Variants in HIPK2 observed in about 807,000 individuals in gnomAD.
HIPK2 encodes the protein homeodomain-interacting protein kinase 2.
HIPK2 carries 27 observed loss-of-function variants against 113.7 expected under a neutral mutation model. The observed-to-expected ratio is 0.24, with a 90% CI of 0.17 to 0.33. The LOEUF (loss-of-function observed/expected upper bound fraction) is 0.33, where lower values mean the gene tolerates loss of function less well. Among genes scored for constraint, HIPK2 ranks in the 10% least tolerant of loss-of-function variants. The probability of loss-of-function intolerance (pLI) is 1.00; values close to 1 mark genes in which losing one functional copy is unlikely to be tolerated. For synonymous variants in HIPK2, 631 were observed against 642.2 expected (o/e 0.98, Z 0.26); for missense variants, 1,257 against 1,588.0 (o/e 0.79, Z 3.54).
intron 1 of HIPK2, among the ~76,000 whole-genome samples, chr7:139,749,150 G>A (rs1796239132): frequency 2.6e-5 from 4 of 152,238 alleles, no homozygotes; most frequent in Admixed American, 2.0e-4. Context: ...TCTGGGTGAT[G>A]TGGCAAAAAC....
chr7:139,582,270 A>G (rs80292078), intron 13 of HIPK2, among the ~76,000 whole-genome samples: 1 of 152,360 alleles, frequency 6.6e-6, no homozygotes, highest in East Asian at 1.9e-4. Context: ...AGACCCTAGC[A>G]GCAAGTACAG....
chr7:139,627,436 A>G lies in HIPK2; in HGVS notation c.1435-651T>C, dbSNP rs1800473235. ...TCTCATGGGTTCCCCAGTTAGGGCCAGAATTATTTTAGTCCCTGTGTTCAA... is the reference window on the plus strand; with the variant it reads ...TCTCATGGGTTCCCCAGTTAGGGCCGGAATTATTTTAGTCCCTGTGTTCAA... On this transcript the variant is annotated intron_variant, in intron 5 of 14. Transcript: ENST00000406875. Among the ~76,000 whole-genome samples, 3 of 152,162 alleles carry G rather than the reference A, an allele frequency of 2.0e-5. No individual in the cohort carries two copies. The South Asian group carries it at 6.2e-4, about 31-fold the overall frequency.
intron 2 of HIPK2, among the ~76,000 whole-genome samples, chr7:139,648,522 A>G (rs950005077): frequency 6.6e-6 from 1 of 152,218 alleles, no homozygotes; most frequent in African/African-American, 2.4e-5. Context: ...TACGGCACAC[A>G]GTCCCCAGCC....
intron 1 of HIPK2, among the ~76,000 whole-genome samples, chr7:139,742,759 T>C (rs1322180795): frequency 1.3e-5 from 2 of 152,248 alleles, no homozygotes; most frequent in East Asian, 1.9e-4. Context: ...AGACTCATCA[T>C]AGACAGCTGT....
intron 2 of HIPK2, among the ~76,000 whole-genome samples, chr7:139,692,713 C>T (rs1262912416): frequency 6.6e-6 from 1 of 151,848 alleles, no homozygotes; most frequent in Non-Finnish European, 1.5e-5. Context: ...CTATATGCAT[C>T]AGAAAAAAAA....
intron 2 of HIPK2, among the ~76,000 whole-genome samples, chr7:139,664,981 T>C (rs1216165909): frequency 6.6e-6 from 1 of 152,060 alleles, no homozygotes; most frequent in Admixed American, 6.5e-5. Context: ...AACAACAGTT[T>C]CCAAAGGCTT....
chr7:139,585,882 C>A (rs1293442671), intron 12 of HIPK2, among the ~76,000 whole-genome samples: 3 of 151,946 alleles, frequency 2.0e-5, no homozygotes, highest in Non-Finnish European at 2.9e-5. Flanking sequence ...AGATTGAAAT[C>A]AAAGAAAATT....
chr7:139,694,151 G>A (rs1403612014), intron 2 of HIPK2, among the ~76,000 whole-genome samples: 2 of 152,200 alleles, frequency 1.3e-5, no homozygotes, highest in Admixed American at 6.5e-5. Flanking sequence ...TGACCTGGCT[G>A]TAATAGATGC....
chr7:139,635,375 T>C (rs931303765), intron 2 of HIPK2, among the ~76,000 whole-genome samples: 2 of 152,246 alleles, frequency 1.3e-5, no homozygotes, highest in Non-Finnish European at 2.9e-5. Flanking sequence ...GTGGTTCTCA[T>C]GGCCCGGAAG....
At chr7:139,615,309 G>C (rs1169520176) in intron 7 of HIPK2, among the ~76,000 whole-genome samples, 1 of 152,200 alleles carries the variant, frequency 6.6e-6, no homozygotes, top group African/African-American at 2.4e-5. Context: ...GTTGAGCCTG[G>C]GGCTTTGTGT....
intron 10 of HIPK2, among the ~76,000 whole-genome samples, chr7:139,601,126 C>T (rs1380850596): frequency 1.3e-5 from 2 of 151,904 alleles, no homozygotes; most frequent in Non-Finnish European, 2.9e-5. Flanking sequence ...CACCTATGGG[C>T]CCAGCTACTC....
chr7:139,623,683 T>C (rs1454736718), intron 6 of HIPK2, among the ~76,000 whole-genome samples: 2 of 152,108 alleles, frequency 1.3e-5, no homozygotes, highest in Non-Finnish European at 2.9e-5. Context: ...GCTTCACTGA[T>C]AGTAAGGCAC....
intron 1 of HIPK2, among the ~76,000 whole-genome samples, chr7:139,734,049 T>C (rs981647231): frequency 1.3e-5 from 2 of 152,272 alleles, no homozygotes; most frequent in African/African-American, 4.8e-5. Flanking sequence ...TATTCGTTAA[T>C]GCTGCCATCC....
At chr7:139,663,180 C>T (rs1283972135) in intron 2 of HIPK2, among the ~76,000 whole-genome samples, 2 of 152,172 alleles carry the variant, frequency 1.3e-5, no homozygotes, top group Non-Finnish European at 2.9e-5. Context: ...ACTTCAAGTC[C>T]CCTCCACCAT....
intron 2 of HIPK2, among the ~76,000 whole-genome samples, chr7:139,699,965 C>T (rs1268686900): frequency 1.3e-5 from 2 of 152,228 alleles, no homozygotes; most frequent in African/African-American, 2.4e-5. Context: ...GGCAGTGCTG[C>T]TCTGTGCAGT....
intron 1 of HIPK2, among the ~76,000 whole-genome samples, chr7:139,735,839 C>T (rs1047716893): frequency 1.3e-5 from 2 of 152,196 alleles, no homozygotes; most frequent in African/African-American, 4.8e-5. Flanking sequence ...ATTCATAAGC[C>T]ATCCACTGCC....
intron 2 of HIPK2, among the ~76,000 whole-genome samples, chr7:139,712,356 T>C (rs931074201): frequency 6.6e-6 from 1 of 152,182 alleles, no homozygotes; most frequent in Non-Finnish European, 1.5e-5. Context: ...ACCGTTTCTG[T>C]GTCACTAGGT....
At chr7:139,760,255 C>A (rs757878228) in intron 1 of HIPK2, among the ~76,000 whole-genome samples, 2 of 152,152 alleles carry the variant, frequency 1.3e-5, no homozygotes, top group Non-Finnish European at 2.9e-5. Flanking sequence ...CCGCCCACCT[C>A]GGCCTCCCAA....
chr7:139,630,165 T>C lies in HIPK2; in HGVS notation c.1347+1000A>G, dbSNP rs897745378. ...TCTTTTTACCAGGAAAATACTTTGA[T>C]TTTAATTGCTAGGCACAGATCAAAG... On this transcript the variant is annotated intron_variant, in intron 4 of 14. Transcript: ENST00000406875. The surrounding 1 kb of genome is among the most constrained non-coding windows in gnomAD (Gnocchi z 4.0). 6.6e-6 allele frequency among the ~76,000 whole-genome samples: 1 copy of C among 152,212 alleles called. No individual in the cohort carries two copies. Among genetic ancestry groups the C allele is most frequent in the Non-Finnish European group, 1.5e-5 (1 of 68,038 alleles).
Sources: allele counts gnomAD v4.1 joint callset (sites outside exome capture counted in the v4.1 genomes callset), GRCh38; gene constraint gnomAD v4.1.1; non-coding constraint Gnocchi (gnomAD v3.1); transcripts MANE v1.5; gene names NCBI Gene and HGNC (gene_info 2026-07-23, HGNC 2026-07-21).